Variants in NAP1L4 observed in about 807,000 individuals in gnomAD.
NAP1L4 encodes the protein nucleosome assembly protein 1-like 4.
Under a neutral mutation model 58.2 loss-of-function variants are expected in NAP1L4, and 15 were observed. The observed-to-expected ratio is 0.26, with a 90% CI of 0.17 to 0.40. NAP1L4 has a LOEUF of 0.40. Among genes scored for constraint, NAP1L4 ranks in the 10% least tolerant of loss-of-function variants. The probability of loss-of-function intolerance (pLI) is 1.00; values close to 1 mark genes in which losing one functional copy is unlikely to be tolerated. For missense variants in NAP1L4, 384 were observed against 451.1 expected, an observed-to-expected ratio of 0.85 and a Z score of 1.35; for synonymous variants, 171 against 155.6, an observed-to-expected ratio of 1.10 and a Z score of -0.74.
intron 3 of NAP1L4, among the ~76,000 whole-genome samples, chr11:2,977,135 A>C (rs1590259080): frequency 1.3e-5 from 2 of 152,264 alleles, no homozygotes; most frequent in East Asian, 3.8e-4. Context: ...AACTGTGTAC[A>C]CATGTGTAGT....
Position 2,969,937 on chromosome 11 carries a change from A to T in NAP1L4, c.403-3T>A. The T allele has an allele frequency of 6.3e-7, 1 of 1,592,772 alleles. No individual in the cohort carries two copies. The highest frequency in any genetic ancestry group is 2.3e-5 in the East Asian group (1 of 43,996). On this transcript the variant is annotated splice_region_variant and splice_polypyrimidine_tract_variant and intron_variant, in intron 6 of 15. Transcript: ENST00000380542. ...ACTACTTTACTTTTCATGTCTCCCT[A>T]AAAAAAAGATGCAACATAGGTAACG... is the stretch of plus-strand genomic sequence containing the variant.
Position 2,971,346 on chromosome 11 carries a change from G to C in NAP1L4, c.402+102C>G, listed in dbSNP as rs1296244289. The C allele has an allele frequency of 1.0e-6, 1 of 992,792 alleles. No homozygotes were observed. 61.5% of individuals were successfully genotyped at this position (992,792 alleles called of 1,614,324 possible). ...ACCTAATGATGCAGCAGCACCTACT[G>C]TTAGAAGCACATAAGTTTACTAGTC... On this transcript the variant is annotated intron_variant, in intron 6 of 15. Coordinates refer to ENST00000380542, the MANE Select transcript of NAP1L4 (RefSeq NM_005969.4). This position sits in a 1 kb window ranked among gnomAD's most constrained non-coding sequence, Gnocchi z 4.2.
At position 2,978,264 on chromosome 11, in the gene NAP1L4, T is replaced by C. The variant is rs1159868864; in HGVS notation, c.73+20A>G. The C allele has an allele frequency of 3.1e-6, 5 of 1,612,016 alleles. No individual in the cohort carries two copies. The highest frequency in any genetic ancestry group is 4.5e-5 in the East Asian group (2 of 44,790). Reference sequence around the variant, plus strand: ...CGTTCCCCATACTGGATGCAAACTCTCCATGTGCAGTGGACTGACCTGTGT... The same window carrying C: ...CGTTCCCCATACTGGATGCAAACTCCCCATGTGCAGTGGACTGACCTGTGT... On this transcript the variant is annotated intron_variant, in intron 3 of 15. Coordinates refer to ENST00000380542, the MANE Select transcript of NAP1L4 (RefSeq NM_005969.4).
chr11:2,956,530 C>T (rs1199345895), intron 10 of NAP1L4, among the ~76,000 whole-genome samples: 2 of 152,218 alleles, frequency 1.3e-5, no homozygotes, highest in African/African-American at 4.8e-5. Flanking sequence ...GTCTCCCTTC[C>T]CATTAAGCGA....
At chr11:2,970,220 A>G (rs1050849580) in intron 6 of NAP1L4, among the ~76,000 whole-genome samples, 1 of 152,196 alleles carries the variant, frequency 6.6e-6, no homozygotes, top group Non-Finnish European at 1.5e-5. Context: ...AAGGCCATCC[A>G]GTGCTAGCTC....
In NAP1L4 at chr11:2,948,554, G is replaced by T. The variant is rs1311077440; in HGVS notation, c.*32+673C>A. 1.3e-5 allele frequency among the ~76,000 whole-genome samples: 2 copies of T among 152,162 alleles called. No homozygotes were observed. The highest frequency in any genetic ancestry group is 1.3e-4 in the Admixed American group (2 of 15,270). On this transcript the variant is annotated intron_variant, in intron 15 of 15. Coordinates refer to ENST00000380542, the MANE Select transcript of NAP1L4 (RefSeq NM_005969.4). The surrounding 1 kb of genome is among the most constrained non-coding windows in gnomAD (Gnocchi z 5.1). ...TTCCAGGACAGGGCAGAGCTACAGGGACTGAAGAAAGTGGAGTGGGAAACA... is the reference window on the plus strand; with the variant it reads ...TTCCAGGACAGGGCAGAGCTACAGGTACTGAAGAAAGTGGAGTGGGAAACA...
intron 4 of NAP1L4, among the ~76,000 whole-genome samples, chr11:2,973,447 ACAAT>A (rs944544801): frequency 1.3e-5 from 2 of 152,148 alleles, no homozygotes; most frequent in Non-Finnish European, 2.9e-5. Context: ...ACTCATTCAC[ACAAT>A]CAGAGTCTTC....
chr11:2,963,883 G>C (rs771367527), intron 8 of NAP1L4: 2 of 519,268 alleles, frequency 3.9e-6, no homozygotes, highest in Admixed American at 3.9e-5. Context: ...AACGGGTTAC[G>C]AACAGTGCTC....
chr11:2,950,035 G>A (rs892467046), intron 14 of NAP1L4, among the ~76,000 whole-genome samples: 5 of 152,184 alleles, frequency 3.3e-5, no homozygotes, highest in African/African-American at 9.7e-5. Context: ...CAGACACCCC[G>A]CACAGCAGTG....
chr11:2,981,094 C>G (rs1014475270), intron 1 of NAP1L4, among the ~76,000 whole-genome samples: 1 of 151,748 alleles, frequency 6.6e-6, no homozygotes, highest in Non-Finnish European at 1.5e-5. Context: ...CAAAATTAGC[C>G]AGGCGTGCTG....
intron 4 of NAP1L4, among the ~76,000 whole-genome samples, chr11:2,974,933 C>T (rs955011975): frequency 6.6e-5 from 10 of 151,948 alleles, no homozygotes; most frequent in African/African-American, 2.4e-4. Context: ...GAGGCTGAGG[C>T]AGGAGAATCA....
chr11:2,986,049 A>G (rs1848598104), intron 1 of NAP1L4, among the ~76,000 whole-genome samples: 1 of 152,238 alleles, frequency 6.6e-6, no homozygotes, highest in Non-Finnish European at 1.5e-5. Flanking sequence ...TTTGAACTGA[A>G]AACATCTACT....
In NAP1L4 at chr11:2,970,596, T is replaced by C. The variant is rs912171450; in HGVS notation, c.403-662A>G. ...GGGGAGTCAGGCCCCAGGGAAAAGG[T>C]AGACCAAGGGAGGTGAAACGCAACA... is the stretch of plus-strand genomic sequence containing the variant. On this transcript the variant is annotated intron_variant, in intron 6 of 15. Transcript: ENST00000380542. Among the ~76,000 whole-genome samples the C allele has an allele frequency of 3.3e-5, 5 of 151,886 alleles. No homozygotes were observed. The South Asian group carries it at 1.0e-3, about 32-fold the overall frequency.
intron 7 of NAP1L4, among the ~76,000 whole-genome samples, chr11:2,967,634 G>GT (rs1014559193): frequency 6.9e-6 from 1 of 145,602 alleles, no homozygotes; most frequent in Non-Finnish European, 1.5e-5. Flanking sequence ...AGAAAATATT[G>GT]TTAAAAAAAA....
At chr11:2,967,890 TG>T (rs761596103) in intron 7 of NAP1L4, among the ~76,000 whole-genome samples, 8 of 152,164 alleles carry the variant, frequency 5.3e-5, no homozygotes, top group Non-Finnish European at 1.0e-4. Flanking sequence ...TGCCTCACTG[TG>T]CTCTCAAAAC....
chr11:2,958,419 T>C lies in NAP1L4; in HGVS notation c.872A>G (p.Asn291Ser), dbSNP rs774272064. 2.4e-5 allele frequency: 38 copies of C among 1,613,814 alleles called. No individual in the cohort carries two copies. In the Admixed American group the frequency reaches 5.0e-4, roughly 21 times the overall value. Residue 291 changes from asparagine (N) to serine (S), a missense_variant, in exon 10 of 16, where the codon AAC (asparagine) becomes AGC (serine). This residue lies in a region of NAP1L4 where 296 missense variants were observed against 360.8 expected (regional missense o/e 0.82). Coordinates refer to ENST00000380542, the MANE Select transcript of NAP1L4 (RefSeq NM_005969.4). ...CTTGCCTTTCAATGGATTGAAGAAG[T>C]TGAAAAAGGACTCATTGGGTACTTG... is the stretch of plus-strand genomic sequence containing the variant. The part of the protein sequence containing the change: ...TKQVPNESFF[N>S]FFNPLKASGD...
chr11:2,978,641 C>G (rs1848115055), intron 2 of NAP1L4, among the ~76,000 whole-genome samples: 2 of 152,192 alleles, frequency 1.3e-5, no homozygotes, highest in Admixed American at 1.3e-4. Flanking sequence ...CTCAAAAAAT[C>G]TGCTCCCAGC....
Position 2,951,320 on chromosome 11 carries a change from A to G in NAP1L4, c.1066-5T>C, listed in dbSNP as rs775297333. On this transcript the variant is annotated splice_polypyrimidine_tract_variant and splice_region_variant and intron_variant, in intron 13 of 15. Transcript: ENST00000380542. This position sits in a 1 kb window ranked among gnomAD's most constrained non-coding sequence, Gnocchi z 4.0. ...CTCCTCGTCACCTTCTAATTCCTGT[A>G]TTTAAAAAGTGAGAATTAGCTGGAA... 1.2e-6 allele frequency: 2 copies of G among 1,613,094 alleles called. No homozygotes were observed. Among genetic ancestry groups the G allele is most frequent in the South Asian group, 2.2e-5 (2 of 91,040 alleles).
intron 8 of NAP1L4, among the ~76,000 whole-genome samples, chr11:2,961,625 G>A (rs1273383468): frequency 2.6e-5 from 4 of 152,260 alleles, no homozygotes; most frequent in African/African-American, 9.6e-5. Context: ...AGGGCATGGG[G>A]TGGCCCCAAT....
Sources: allele counts gnomAD v4.1 joint callset (sites outside exome capture counted in the v4.1 genomes callset), GRCh38; gene constraint gnomAD v4.1.1; regional missense constraint gnomAD v4.1.1; non-coding constraint Gnocchi (gnomAD v3.1); transcripts MANE v1.5; gene names NCBI Gene and HGNC (gene_info 2026-07-23, HGNC 2026-07-21).